The following ANKHD1 variants were observed in gnomAD, a reference collection of about 807,000 sequenced individuals.
ANKHD1 encodes ankyrin repeat and KH domain-containing protein 1.
In ANKHD1, 31 loss-of-function variants were observed where a neutral mutation model predicts 230.5. The ratio of observed to expected loss-of-function variants is 0.13; its 90% confidence interval spans 0.10 to 0.18. ANKHD1 has a LOEUF of 0.18. Ranked by LOEUF, ANKHD1 falls within the 10% of genes least tolerant of loss-of-function variation. The pLI, the probability that ANKHD1 is intolerant of heterozygous loss-of-function variation, is 1.00. For missense variants in ANKHD1, 2,256 were observed against 3,071.3 expected (o/e 0.73, Z 6.27); for synonymous variants, 1,074 against 1,117.6 (o/e 0.96, Z 0.78).
In ANKHD1 at chr5:140,529,553, A is replaced by C. The variant is rs143093388; in HGVS notation, c.6607A>C (p.Thr2203Pro). 5.4e-4 allele frequency: 868 copies of C among 1,614,146 alleles called. 5 individuals are homozygous for C. The highest frequency in any genetic ancestry group is 1.8e-3 in the South Asian group (164 of 91,078). Residue 2203 changes from threonine (T) to proline (P), a missense_variant, in exon 29 of 34, where the codon ACA becomes CCA. Thr to Pro is a conservative substitution (Grantham distance 38). Transcript: ENST00000360839. The part of the protein sequence containing the change: ...INPANKSLPP[T>P]FGPATLFNHF... The stretch of plus-strand genomic sequence containing the variant: ...CCCAGCAAATAAGTCTTTGCCACCT[A>C]CATTTGGCCCAGCCACACTTTTCAA...
In ANKHD1 at chr5:140,524,196, C is replaced by T. The variant is rs775180361; in HGVS notation, c.4448C>T (p.Ser1483Leu). The T allele has an allele frequency of 4.4e-6, 7 of 1,595,862 alleles. 1 individual carries two copies. In the South Asian group the frequency reaches 5.8e-5, roughly 13 times the overall value. ...GAAGAAAACAAACCTAAGGAGAATT[C>T]GGAACTACCAGAGGATGAAGATGAA... ...EDEENKPKEN[S>L]ELPEDEDEEE... Residue 1483 changes from serine to leucine, a missense_variant, in exon 25 of 34, where the codon TCG becomes TTG. Physicochemically the swap from Ser to Leu is moderately radical, Grantham distance 145. Transcript: ENST00000360839.
chr5:140,455,703 T>C (rs894834432), intron 7 of ANKHD1, among the ~76,000 whole-genome samples: 5 of 152,294 alleles, frequency 3.3e-5, no homozygotes, highest in Admixed American at 1.3e-4. Context: ...TAGGTATTGA[T>C]GGGACATATC....
intron 14 of ANKHD1, among the ~76,000 whole-genome samples, chr5:140,491,113 CACACACAT>C (rs1377943457): frequency 9.9e-5 from 10 of 101,396 alleles, no homozygotes; most frequent in Middle Eastern, 5.0e-3. Flanking sequence ...TATATACACA[CACACACAT>C]ATATATATAT....
intron 1 of ANKHD1, among the ~76,000 whole-genome samples, chr5:140,419,722 TTTTC>T (rs967593537): frequency 1.3e-5 from 2 of 151,684 alleles, no homozygotes; most frequent in African/African-American, 4.8e-5. Flanking sequence ...CCTGCCTGTC[TTTTC>T]TTTCTTTCTC....
chr5:140,449,773 A>G lies in ANKHD1; in HGVS notation c.1242+468A>G, dbSNP rs191164581. Among the ~76,000 whole-genome samples the G allele has an allele frequency of 8.2e-5, 12 of 147,076 alleles. No homozygotes were observed. The East Asian group carries it at 2.4e-3, about 29-fold the overall frequency. On this transcript the variant is annotated intron_variant, in intron 7 of 33. Coordinates refer to ENST00000360839, the MANE Select transcript of ANKHD1 (RefSeq NM_017747.3). ...ATCTGCTTTTGGAATAGAACAGTCA[A>G]AGTATTTGGCCTTAGGGATATTATT...
chr5:140,418,700 A>G (rs1405225186), intron 1 of ANKHD1, among the ~76,000 whole-genome samples: 1 of 152,154 alleles, frequency 6.6e-6, no homozygotes, highest in Non-Finnish European at 1.5e-5. Flanking sequence ...ATTGTTTTAA[A>G]GATTTCTACA....
intron 3 of ANKHD1, 47 bp from the exon 4 acceptor site, chr5:140,440,072 C>T: frequency 1.3e-6 from 2 of 1,502,332 alleles, no homozygotes; most frequent in Non-Finnish European, 1.8e-6. Context: ...TCATAGGACC[C>T]CCGAGTCTTT....
At chr5:140,465,065 A>G (rs1000375892) in intron 10 of ANKHD1, 2 of 186,984 alleles carry the variant, frequency 1.1e-5, no homozygotes, top group South Asian at 1.4e-4. Context: ...TGTTAGATAT[A>G]TCATAAATTC....
chr5:140,421,192 G>A (rs1266858478), intron 1 of ANKHD1, among the ~76,000 whole-genome samples: 1 of 151,922 alleles, frequency 6.6e-6, no homozygotes. Flanking sequence ...TGTCTTCTGA[G>A]TGGACTAGTC....
At chr5:140,536,046 G>A (rs1581386524) in intron 30 of ANKHD1, 1 of 152,234 alleles carries the variant, frequency 6.6e-6, no homozygotes, top group Non-Finnish European at 1.5e-5. Flanking sequence ...TACATTTTAT[G>A]AAACTATTGC....
chr5:140,447,125 T>C (rs935256516), intron 6 of ANKHD1, among the ~76,000 whole-genome samples: 1 of 151,932 alleles, frequency 6.6e-6, no homozygotes, highest in African/African-American at 2.4e-5. Context: ...GTCAGTCTGG[T>C]CTCCTGACCT....
intron 10 of ANKHD1, chr5:140,472,560 C>A: frequency 2.6e-6 from 2 of 770,566 alleles, no homozygotes; most frequent in South Asian, 4.0e-5. Context: ...TCAGGTAGTT[C>A]TTTTACATTC....
chr5:140,439,784 G>T (rs1773719911), intron 3 of ANKHD1, among the ~76,000 whole-genome samples: 1 of 152,120 alleles, frequency 6.6e-6, no homozygotes, highest in African/African-American at 2.4e-5. Context: ...AATTTGTGTT[G>T]GGTTGCTTTC....
At chr5:140,496,403 G>T in intron 14 of ANKHD1, 117 bp from the exon 15 acceptor site, 1 of 1,100,708 alleles carries the variant, frequency 9.1e-7, no homozygotes, top group Non-Finnish European at 1.2e-6. Context: ...TAAGGGTTTT[G>T]GGAGGGAGGT....
At position 140,529,453 on chromosome 5, in the gene ANKHD1, A is replaced by G; in HGVS notation, c.6507A>G (p.Pro2169=). The G allele has an allele frequency of 6.2e-7, 1 of 1,614,074 alleles. No individual in the cohort carries two copies. The highest frequency in any genetic ancestry group is 1.6e-4 in the Middle Eastern group (1 of 6,062). The change falls in exon 29 of 34, where the codon CCA becomes CCG. Residue 2169 remains proline, a synonymous_variant. Coordinates refer to ENST00000360839, the MANE Select transcript of ANKHD1 (RefSeq NM_017747.3). ...IFVTNPVTLT[P]PQGPPAAVQL... ...TTACGAATCCAGTTACTTTAACACC[A>G]CCTCAAGGCCCACCAGCTGCAGTGC... is the stretch of plus-strand genomic sequence containing the variant.
chr5:140,529,479 A>C lies in ANKHD1; in HGVS notation c.6533A>C (p.Gln2178Pro). Residue 2178 changes from glutamine to proline, a missense_variant, in exon 29 of 34, where the codon CAG (glutamine) becomes CCG (proline). Physicochemically the swap from Gln to Pro is moderately conservative, Grantham distance 76. Transcript: ENST00000360839. The part of the protein sequence containing the change: ...TPPQGPPAAV[Q>P]LSSAVNIMNG... ...CCTCAAGGCCCACCAGCTGCAGTGC[A>C]GCTTTCTTCAGCTGTGAACATTATG... 1 of 1,614,228 alleles carries C rather than the reference A, an allele frequency of 6.2e-7. No homozygotes were observed. The highest frequency in any genetic ancestry group is 8.5e-7 in the Non-Finnish European group (1 of 1,180,046).
intron 1 of ANKHD1, among the ~76,000 whole-genome samples, chr5:140,414,027 C>T (rs920544277): frequency 2.0e-5 from 3 of 152,082 alleles, no homozygotes; most frequent in Non-Finnish European, 4.4e-5. Context: ...GTGATCCACT[C>T]GCCTCGACCT....
At position 140,454,337 on chromosome 5, in the gene ANKHD1, GA is replaced by G. The variant is rs571962492; in HGVS notation, c.1243-4286del. Among the ~76,000 whole-genome samples, 726 of 152,218 alleles carry G rather than the reference GA, an allele frequency of 4.8e-3. 6 individuals carry two copies. Among genetic ancestry groups the G allele is most frequent in the Non-Finnish European group, 6.1e-3 (418 of 68,022 alleles). ...AGTTAACAAGGGATATCCAGGAATT[GA>G]ACTCAGCTCTGCACCAAGCAGACCG... On this transcript the variant is annotated intron_variant, in intron 7 of 33. Transcript: ENST00000360839.
chr5:140,533,531 G>A (rs946502718), intron 29 of ANKHD1, among the ~76,000 whole-genome samples: 1 of 151,998 alleles, frequency 6.6e-6, no homozygotes, highest in East Asian at 1.9e-4. Flanking sequence ...CCCGGGAGGC[G>A]GAGCTTGCAG....
Sources: allele counts gnomAD v4.1 joint callset (sites outside exome capture counted in the v4.1 genomes callset), GRCh38; gene constraint gnomAD v4.1.1; transcripts MANE v1.5; gene names NCBI Gene and HGNC (gene_info 2026-07-23, HGNC 2026-07-21).